The following TSC22D4 variants were observed in gnomAD, a reference collection of about 807,000 sequenced individuals.
The protein encoded by TSC22D4 is TSC22 domain family protein 4.
A neutral mutation model predicts 24.9 loss-of-function variants in TSC22D4; 5 were observed. That is an observed-to-expected ratio of 0.20 (90% CI 0.10 to 0.42). The LOEUF (loss-of-function observed/expected upper bound fraction) is 0.42, where lower values mean the gene tolerates loss of function less well. Ranked by LOEUF, TSC22D4 falls within the 10% of genes least tolerant of loss-of-function variation. The pLI, the probability that TSC22D4 is intolerant of heterozygous loss-of-function variation, is 1.00. For synonymous variants in TSC22D4, 245 were observed against 243.2 expected (o/e 1.01, Z -0.07); for missense variants, 469 against 547.9 (o/e 0.86, Z 1.44).
chr7:100,467,260 G>T, intron 4 of TSC22D4, 92 bp from the exon 5 acceptor site: 1 of 1,322,616 alleles, frequency 7.6e-7, no homozygotes, highest in Middle Eastern at 1.8e-4. Context: ...ACAGTCCCCA[G>T]TGTCCAGAGG....
At chr7:100,472,083 C>A (rs575806363) in intron 3 of TSC22D4, among the ~76,000 whole-genome samples, 4 of 152,168 alleles carry the variant, frequency 2.6e-5, no homozygotes, top group South Asian at 2.1e-4. Flanking sequence ...CCTCTGTTCG[C>A]CCATCCCCAG....
At chr7:100,469,893 T>A (rs1199330635) in intron 3 of TSC22D4, among the ~76,000 whole-genome samples, 1 of 151,124 alleles carries the variant, frequency 6.6e-6, no homozygotes, top group Non-Finnish European at 1.5e-5. Flanking sequence ...ATCCCAGCTC[T>A]GGGTGCAGAA....
intron 3 of TSC22D4, among the ~76,000 whole-genome samples, chr7:100,472,585 G>A (rs954133354): frequency 4.6e-5 from 7 of 152,078 alleles, no homozygotes; most frequent in South Asian, 2.1e-4. Flanking sequence ...GGGAGAGGGC[G>A]GGAAACGCTG....
chr7:100,471,162 A>T (rs1172493358), intron 3 of TSC22D4, among the ~76,000 whole-genome samples: 1 of 139,026 alleles, frequency 7.2e-6, no homozygotes, highest in African/African-American at 2.7e-5. Context: ...AGAAAGTGTC[A>T]TCCAGCTGCC....
chr7:100,469,770 C>T (rs781241055), intron 3 of TSC22D4, among the ~76,000 whole-genome samples: 1 of 152,226 alleles, frequency 6.6e-6, no homozygotes, highest in Non-Finnish European at 1.5e-5. Context: ...TCCTGGCTGT[C>T]AGCTCAGACT....
chr7:100,473,488 C>A (rs894260273), intron 3 of TSC22D4, among the ~76,000 whole-genome samples: 4 of 151,884 alleles, frequency 2.6e-5, no homozygotes, highest in Non-Finnish European at 5.9e-5. Flanking sequence ...GTCACCCACG[C>A]TGGAGTGCAG....
rs1407080655 is a variant in TSC22D4, at chr7:100,477,534, C to T, written c.505G>A (p.Gly169Arg). The T allele has an allele frequency of 1.3e-6, 2 of 1,560,344 alleles. No individual in the cohort carries two copies. Among genetic ancestry groups the T allele is most frequent in the East Asian group, 4.5e-5 (2 of 44,322 alleles). ...CTGGGCACCACCAGCTGGCCCAGTC[C>T]CCCAGTGAAGGAGCGGGCCTGAGGT... is the stretch of plus-strand genomic sequence containing the variant. ...PGPQARSFTG[G>R]LGQLVVPSKA... Residue 169 changes from glycine (G) to arginine (R), a missense_variant, in exon 2 of 5, where the codon GGA (glycine) becomes AGA (arginine). Coordinates refer to ENST00000300181, the MANE Select transcript of TSC22D4 (RefSeq NM_030935.5). This position sits in a 1 kb window ranked among gnomAD's most constrained non-coding sequence, Gnocchi z 7.8.
chr7:100,470,466 A>T (rs965653253), intron 3 of TSC22D4, among the ~76,000 whole-genome samples: 1 of 151,856 alleles, frequency 6.6e-6, no homozygotes, highest in African/African-American at 2.4e-5. Flanking sequence ...TAATTTTTGT[A>T]TTTTTGCCGG....
chr7:100,471,676 G>GT (rs1328763883), intron 3 of TSC22D4, among the ~76,000 whole-genome samples: 2 of 152,090 alleles, frequency 1.3e-5, no homozygotes, highest in African/African-American at 4.8e-5. Context: ...GGAGGCAGAG[G>GT]TTGCAGTGAG....
In TSC22D4 at chr7:100,474,590, C is replaced by G; in HGVS notation, c.763-150G>C. ...CCTGTCCCCGCAGTCCTTCCCTCCT[C>G]CAGCTCTGGAGAAGGCATTAGGCAG... On this transcript the variant is annotated intron_variant, in intron 2 of 4. Transcript: ENST00000300181. The surrounding 1 kb of genome is among the most constrained non-coding windows in gnomAD (Gnocchi z 4.3). The G allele has an allele frequency of 1.1e-6, 1 of 917,364 alleles. No individual in the cohort carries two copies. Among genetic ancestry groups the G allele is most frequent in the Non-Finnish European group, 1.6e-6 (1 of 614,522 alleles). The allele number at this position is 917,364 out of a possible 1,614,324, so 56.8% of individuals were successfully genotyped here. A position where few individuals can be genotyped will look rare whatever the true frequency, so the allele number is the denominator to read the frequency against.
chr7:100,468,304 C>T (rs917148144), intron 3 of TSC22D4, among the ~76,000 whole-genome samples: 2 of 151,822 alleles, frequency 1.3e-5, no homozygotes, highest in Admixed American at 6.6e-5. Flanking sequence ...AGGGGAGGGG[C>T]GTGGGGCAGA....
chr7:100,467,898 A>AC, intron 3 of TSC22D4: 1 of 596,264 alleles, frequency 1.7e-6, no homozygotes. Context: ...CTCGGGTCTC[A>AC]TAAGACGACA....
intron 4 of TSC22D4, 75 bp downstream of exon 4, chr7:100,467,477 G>A: frequency 6.6e-7 from 1 of 1,506,676 alleles, no homozygotes; most frequent in South Asian, 1.1e-5. Flanking sequence ...CCCTGGTAAG[G>A]AAGAGGACAG....
chr7:100,467,975 C>A, intron 3 of TSC22D4: 1 of 495,018 alleles, frequency 2.0e-6, no homozygotes. Flanking sequence ...GACACCCCCC[C>A]AATGGAGAGG....
chr7:100,470,227 G>A (rs1380764877), intron 3 of TSC22D4, among the ~76,000 whole-genome samples: 1 of 152,152 alleles, frequency 6.6e-6, no homozygotes, highest in Non-Finnish European at 1.5e-5. Flanking sequence ...CAAGTAAGGT[G>A]TTCATTCTCA....
In TSC22D4 at chr7:100,477,399, G is replaced by T; in HGVS notation, c.640C>A (p.Pro214Thr). Reference sequence around the variant, plus strand: ...GCCTCCGCTTCCACCCTCAGAGAGGGCAGGGGCGTGGCAGCCCGGGATGTG... The same window carrying T: ...GCCTCCGCTTCCACCCTCAGAGAGGTCAGGGGCGTGGCAGCCCGGGATGTG... Reference protein sequence around the residue: ...AGTSRAATPLPSLRVEAEAGG... With the variant: ...AGTSRAATPLTSLRVEAEAGG... The change falls in exon 2 of 5, where the codon CCC becomes ACC. Residue 214 changes from proline (P) to threonine (T), a missense_variant. Pro to Thr is a conservative substitution (Grantham distance 38, BLOSUM62 -1). Coordinates refer to ENST00000300181, the MANE Select transcript of TSC22D4 (RefSeq NM_030935.5). This position sits in a 1 kb window ranked among gnomAD's most constrained non-coding sequence, Gnocchi z 7.8. The T allele has an allele frequency of 6.3e-7, 1 of 1,596,902 alleles. No homozygotes were observed. Among genetic ancestry groups the T allele is most frequent in the Non-Finnish European group, 8.5e-7 (1 of 1,171,024 alleles).
intron 1 of TSC22D4, among the ~76,000 whole-genome samples, 178 bp from the exon 2 acceptor site, chr7:100,478,485 G>A (rs1234463687): frequency 6.6e-6 from 1 of 151,306 alleles, no homozygotes; most frequent in Non-Finnish European, 1.5e-5. Context: ...CCCAGAGACA[G>A]GCAAGAGATG....
chr7:100,467,694 C>T (rs753979655), intron 3 of TSC22D4, 94 bp from the exon 4 acceptor site: 16 of 1,221,488 alleles, frequency 1.3e-5, no homozygotes, highest in Non-Finnish European at 1.8e-5. Flanking sequence ...CCCCCCTGTA[C>T]CTGTGACAGT....
At chr7:100,475,993 A>G (rs1799489239) in intron 2 of TSC22D4, among the ~76,000 whole-genome samples, 1 of 151,180 alleles carries the variant, frequency 6.6e-6, no homozygotes. Context: ...AAATAGCAAA[A>G]CAGATGCGTG....
Sources: allele counts gnomAD v4.1 joint callset (sites outside exome capture counted in the v4.1 genomes callset), GRCh38; gene constraint gnomAD v4.1.1; non-coding constraint Gnocchi (gnomAD v3.1); transcripts MANE v1.5; gene names NCBI Gene and HGNC (gene_info 2026-07-23, HGNC 2026-07-21).